The following LHX8 variants were observed in gnomAD, a reference collection of about 807,000 sequenced individuals.
LHX8 encodes LIM homeobox 8, also known as LIM/homeobox protein Lhx8.
Under a neutral mutation model 40.3 loss-of-function variants are expected in LHX8, and 12 were observed. The observed-to-expected ratio is 0.30, with a 90% confidence interval of 0.19 to 0.48. LHX8 has a LOEUF of 0.48. Among genes scored for constraint, LHX8 ranks in the 20% least tolerant of loss-of-function variants. The pLI is 0.99. For synonymous variants in LHX8, 179 were observed against 162.0 expected, an observed-to-expected ratio of 1.10 and a Z score of -0.80; for missense variants, 344 against 433.7, an observed-to-expected ratio of 0.79 and a Z score of 1.84.
At chr1:75,140,958 T>G (rs765328024) in intron 3 of LHX8, 27 bp from the exon 4 acceptor site, 20 of 1,612,618 alleles carry the variant, frequency 1.2e-5, no homozygotes, top group Non-Finnish European at 1.7e-5. Context: ...AAATATGATA[T>G]TACAATGGCT....
the LHX8 span, among the ~76,000 whole-genome samples, chr1:75,171,646 A>G: frequency 6.7e-6 from 1 of 148,784 alleles, no homozygotes; most frequent in South Asian, 2.1e-4. Context: ...ACCAAGCTGC[A>G]ACCATAACAA....
upstream of LHX8, chr1:75,132,451 A>G (rs1476867585): frequency 6.6e-6 from 1 of 152,286 alleles, no homozygotes; most frequent in Non-Finnish European, 1.5e-5. Flanking sequence ...AGGCCAGACC[A>G]ATCTTTCACG....
chr1:75,178,474 T>A, the LHX8 span, among the ~76,000 whole-genome samples: 1 of 152,352 alleles, frequency 6.6e-6, no homozygotes, highest in South Asian at 2.1e-4. Context: ...GTGTTTATAG[T>A]ATTCTTTGAT....
At chr1:75,168,384 G>A in the LHX8 span, among the ~76,000 whole-genome samples, 1 of 151,972 alleles carries the variant, frequency 6.6e-6, no homozygotes, top group South Asian at 2.1e-4. Context: ...CTCCACACTT[G>A]GCTAATTTTT....
chr1:75,141,494 T>C (rs1256876526), intron 4 of LHX8, among the ~76,000 whole-genome samples: 1 of 152,096 alleles, frequency 6.6e-6, no homozygotes, highest in Non-Finnish European at 1.5e-5. Flanking sequence ...AATCAAGATT[T>C]TGTTATGCTT....
chr1:75,134,838 C>A lies in LHX8; in HGVS notation c.-129C>A. 4 of 801,518 alleles carry A rather than the reference C, an allele frequency of 5.0e-6. No homozygotes were observed. The highest frequency in any genetic ancestry group is 6.0e-6 in the Non-Finnish European group (4 of 662,946). 49.7% of individuals were successfully genotyped at this position (801,518 alleles called of 1,614,324 possible). On this transcript the variant is annotated 5_prime_UTR_variant, in exon 1 of 9. Coordinates refer to ENST00000356261, the MANE Select transcript of LHX8 (RefSeq NM_001256114.2). ...ACCTGGCAATTTTTTTTTTTTATTACGTAGTAGCGTTAGTCAGTAATCATT... is the reference window on the plus strand; with the variant it reads ...ACCTGGCAATTTTTTTTTTTTATTAAGTAGTAGCGTTAGTCAGTAATCATT...
At chr1:75,175,808 G>A in the LHX8 span, among the ~76,000 whole-genome samples, 2 of 152,046 alleles carry the variant, frequency 1.3e-5, no homozygotes, top group Admixed American at 1.3e-4. Flanking sequence ...TTCTCCTAAT[G>A]CTATCCCTCC....
At chr1:75,168,139 G>A in the LHX8 span, among the ~76,000 whole-genome samples, 1 of 152,204 alleles carries the variant, frequency 6.6e-6, no homozygotes, top group South Asian at 2.1e-4. Flanking sequence ...GCCCGCAGTA[G>A]CTGTCTAGGC....
At chr1:75,158,444 CAT>C (rs1246186706) in intron 8 of LHX8, among the ~76,000 whole-genome samples, 2 of 152,036 alleles carry the variant, frequency 1.3e-5, no homozygotes, top group South Asian at 2.1e-4. Flanking sequence ...TTTTTGGTGA[CAT>C]GTGCAAGAAA....
chr1:75,198,139 G>A, the LHX8 span, among the ~76,000 whole-genome samples: 1 of 152,132 alleles, frequency 6.6e-6, no homozygotes, highest in African/African-American at 2.4e-5. Flanking sequence ...TGTCATCAGT[G>A]ACCCAAGAAT....
upstream of LHX8, chr1:75,131,150 C>A (rs1647949246): frequency 3.3e-6 from 1 of 307,254 alleles, no homozygotes; most frequent in Non-Finnish European, 6.4e-6. Flanking sequence ...CACGTTTTCT[C>A]TCAGGCTCCA....
intron 7 of LHX8, among the ~76,000 whole-genome samples, chr1:75,149,893 TAGAA>T (rs1648561781): frequency 6.6e-6 from 1 of 152,080 alleles, no homozygotes; most frequent in South Asian, 2.1e-4. Context: ...TGATGGATGC[TAGAA>T]AGACAAGAAA....
upstream of LHX8, chr1:75,130,785 A>G: frequency 1.9e-6 from 3 of 1,569,914 alleles, no homozygotes; most frequent in Non-Finnish European, 2.6e-6. Context: ...CTTTTTCCAG[A>G]CTAATATTTA....
the LHX8 span, among the ~76,000 whole-genome samples, chr1:75,188,864 A>T: frequency 2.0e-5 from 3 of 152,176 alleles, no homozygotes; most frequent in Non-Finnish European, 2.9e-5. Context: ...CAGCCCCACT[A>T]TCAGACTTTT....
chr1:75,157,009 A>T lies in LHX8; in HGVS notation c.897A>T (p.Glu299Asp), dbSNP rs368509617. Residue 299 changes from glutamate (E) to aspartate (D), a missense_variant, in exon 8 of 9, where the codon GAA (glutamate) becomes GAT (aspartate). Around this residue, in one of 3 missense-constraint regions of LHX8, gnomAD observed 89 missense variants for 92.8 expected, o/e 0.96. Transcript: ENST00000356261. ...PSRLSPPMLE[E>D]MAYSAYVPQD... ...GGCTGTCTCCACCCATGTTAGAAGAAATGGCTTATTCTGCCTACGTGCCCC... is the reference window on the plus strand; with the variant it reads ...GGCTGTCTCCACCCATGTTAGAAGATATGGCTTATTCTGCCTACGTGCCCC... 6.2e-7 allele frequency: 1 copy of T among 1,614,044 alleles called. No homozygotes were observed. The highest frequency in any genetic ancestry group is 8.5e-7 in the Non-Finnish European group (1 of 1,180,038).
At chr1:75,194,752 A>T in the LHX8 span, among the ~76,000 whole-genome samples, 1,748 of 152,316 alleles carry the variant, frequency 0.011, 40 homozygotes, top group African/African-American at 0.04. Flanking sequence ...AGCCACTAGG[A>T]TCAGGAAGTG....
At chr1:75,180,535 C>T in the LHX8 span, among the ~76,000 whole-genome samples, 10 of 152,148 alleles carry the variant, frequency 6.6e-5, no homozygotes, top group Non-Finnish European at 1.5e-4. Context: ...TGGTTTTCAG[C>T]TCCATTAGGT....
chr1:75,158,715 A>G (rs1648835372), intron 8 of LHX8, among the ~76,000 whole-genome samples: 1 of 151,986 alleles, frequency 6.6e-6, no homozygotes, highest in South Asian at 2.1e-4. Flanking sequence ...TGGTCTATTT[A>G]TTTTTGTGTT....
chr1:75,179,500 TTG>T, the LHX8 span, among the ~76,000 whole-genome samples: 49 of 123,710 alleles, frequency 4.0e-4, no homozygotes, highest in African/African-American at 1.5e-3. Flanking sequence ...GCAACCCCTG[TTG>T]TTTTTTTTTT....
Sources: gnomAD v4.1 joint callset for allele counts (sites outside exome capture counted in the v4.1 genomes callset) on GRCh38, gnomAD v4.1.1 for gene constraint, gnomAD v4.1.1 regional missense constraint, MANE v1.5 for transcripts, NCBI Gene and HGNC (gene_info 2026-07-23, HGNC 2026-07-21) for gene names.